Variants in NEK3 observed in about 807,000 individuals in gnomAD.
NEK3 encodes serine/threonine-protein kinase Nek3.
In NEK3, 54 loss-of-function variants were observed where a neutral mutation model predicts 66.0. The ratio of observed to expected loss-of-function variants is 0.82; its 90% CI spans 0.66 to 1.03. NEK3 has a LOEUF of 1.03. Ranked by LOEUF, NEK3 falls within the 50% of genes least tolerant of loss-of-function variation. The probability of loss-of-function intolerance (pLI) is 0.00; values close to 1 mark genes in which losing one functional copy is unlikely to be tolerated. For missense variants in NEK3, 593 were observed against 603.0 expected, an observed-to-expected ratio of 0.98 and a Z score of 0.17; for synonymous variants, 200 against 206.2, an observed-to-expected ratio of 0.97 and a Z score of 0.26.
intron 8 of NEK3, among the ~76,000 whole-genome samples, 188 bp from the exon 9 acceptor site, chr13:52,145,079 A>G (rs3818422): frequency 0.57 from 86,343 of 151,942 alleles, 26,525 homozygotes; most frequent in Middle Eastern, 0.7. Context: ...AACATGAATG[A>G]TAAAAAGCTT....
At chr13:52,152,740 C>T in intron 4 of NEK3, 48 bp from the exon 5 acceptor site, 2 of 1,203,144 alleles carry the variant, frequency 1.7e-6, no homozygotes, top group Non-Finnish European at 2.5e-6. Context: ...GTAACTGGCT[C>T]ATGTTAACCT....
At chr13:52,154,777 G>A (rs550411942) in intron 2 of NEK3, among the ~76,000 whole-genome samples, 28 of 149,302 alleles carry the variant, frequency 1.9e-4, no homozygotes, top group Admixed American at 5.3e-4. Context: ...TTGTTAGTTG[G>A]GTGTGGTGGC....
chr13:52,156,182 A>G lies in NEK3; in HGVS notation c.10T>C (p.Tyr4His), dbSNP rs762735669. The G allele has an allele frequency of 3.8e-6, 6 of 1,593,956 alleles. No individual in the cohort carries two copies. The highest frequency in any genetic ancestry group is 5.1e-6 in the Non-Finnish European group (6 of 1,169,078). ...TCCCCAATCATTCTCAGGACCATGT[A>G]GTCATCCATGCTGGGGCATCCACAC... The part of the protein sequence containing the change: MDD[Y>H]MVLRMIGEGS... Residue 4 changes from tyrosine to histidine, a missense_variant, in exon 2 of 16, where the codon TAC becomes CAC. Physicochemically the swap from Tyr to His is moderately conservative, Grantham distance 83 (BLOSUM62 2). Transcript: ENST00000610828.
intron 1 of NEK3, among the ~76,000 whole-genome samples, chr13:52,158,173 G>A (rs1956410954): frequency 6.6e-6 from 1 of 152,190 alleles, no homozygotes; most frequent in Non-Finnish European, 1.5e-5. Flanking sequence ...CACCCCGTCC[G>A]GCCCTAGTGT....
intron 9 of NEK3, 45 bp from the exon 10 acceptor site, chr13:52,144,032 T>A: frequency 9.5e-7 from 1 of 1,049,078 alleles, no homozygotes; most frequent in Non-Finnish European, 1.4e-6. Context: ...AACATACTTT[T>A]CTATAGATAC....
At chr13:52,136,723 ATC>A (rs1358756456) in intron 12 of NEK3, 75 bp downstream of exon 12, 1 of 801,138 alleles carries the variant, frequency 1.2e-6, no homozygotes, top group Non-Finnish European at 2.0e-6. Context: ...TGTTTATGAT[ATC>A]TGAGACCTAG....
chr13:52,148,477 C>T lies in NEK3; in HGVS notation c.549-8G>A, dbSNP rs775116270. 3 of 1,612,690 alleles carry T rather than the reference C, an allele frequency of 1.9e-6. No homozygotes were observed. The highest frequency in any genetic ancestry group is 1.7e-6 in the Non-Finnish European group (2 of 1,179,090). ...CCCAAGGACCAGATGTCACTGAAAG[C>T]ATAAAGAAGCAATGTAATCACAAGC... On this transcript the variant is annotated splice_region_variant and splice_polypyrimidine_tract_variant and intron_variant, in intron 7 of 15. Coordinates refer to ENST00000610828, the MANE Select transcript of NEK3 (RefSeq NM_002498.3).
chr13:52,139,865 C>T (rs1310405129), intron 11 of NEK3, among the ~76,000 whole-genome samples: 2 of 152,002 alleles, frequency 1.3e-5, no homozygotes, highest in African/African-American at 2.4e-5. Context: ...CGCCACTGCA[C>T]TCCAGCCTGG....
chr13:52,144,926 A>T, intron 8 of NEK3, 35 bp from the exon 9 acceptor site: 1 of 1,424,170 alleles, frequency 7.0e-7, no homozygotes, highest in Admixed American at 2.0e-5. Flanking sequence ...AAGCAGATAC[A>T]GGGGAAGAAA....
At chr13:52,147,759 G>A (rs1348801626) in intron 8 of NEK3, among the ~76,000 whole-genome samples, 1 of 152,052 alleles carries the variant, frequency 6.6e-6, no homozygotes, top group Non-Finnish European at 1.5e-5. Context: ...ATCACCTGAG[G>A]TCAGGAGTTC....
At chr13:52,137,799 C>T (rs1259858604) in intron 11 of NEK3, among the ~76,000 whole-genome samples, 1 of 152,230 alleles carries the variant, frequency 6.6e-6, no homozygotes, top group Admixed American at 6.5e-5. Flanking sequence ...CTATTCAACT[C>T]TGCCTTCATT....
At chr13:52,138,266 C>CCTGCCT (rs1956220889) in intron 11 of NEK3, among the ~76,000 whole-genome samples, 1 of 152,204 alleles carries the variant, frequency 6.6e-6, no homozygotes, top group African/African-American at 2.4e-5. Context: ...AATCAATGCT[C>CCTGCCT]CTGCCTCTGC....
At chr13:52,158,740 T>C (rs1449742861) in intron 1 of NEK3, among the ~76,000 whole-genome samples, 1 of 152,228 alleles carries the variant, frequency 6.6e-6, no homozygotes, top group East Asian at 1.9e-4. Flanking sequence ...ATAAAGTGAT[T>C]TGCAAATACC....
chr13:52,133,939 T>A, intron 14 of NEK3, 124 bp from the exon 15 acceptor site: 1 of 960,016 alleles, frequency 1.0e-6, no homozygotes, highest in Non-Finnish European at 1.5e-6. Flanking sequence ...AACTCTTTTG[T>A]AGTGTCTCCC....
intron 14 of NEK3, among the ~76,000 whole-genome samples, chr13:52,134,144 C>T (rs952690951): frequency 6.6e-6 from 1 of 152,120 alleles, no homozygotes; most frequent in African/African-American, 2.4e-5. Flanking sequence ...GCTCCTCCTA[C>T]CTCAGTCTCC....
In NEK3 at chr13:52,133,831, A is replaced by G; in HGVS notation, c.1310-16T>C. 6.3e-7 allele frequency: 1 copy of G among 1,587,796 alleles called. No individual in the cohort carries two copies. Among genetic ancestry groups the G allele is most frequent in the Non-Finnish European group, 8.6e-7 (1 of 1,166,028 alleles). ...CCTTCTGAACCTTCAGGAGATATTA[A>G]CAGAAAATATACCAATTTAAACAGT... On this transcript the variant is annotated splice_polypyrimidine_tract_variant and intron_variant, in intron 14 of 15. Coordinates refer to ENST00000610828, the MANE Select transcript of NEK3 (RefSeq NM_002498.3).
chr13:52,145,731 C>T (rs1165209087), intron 8 of NEK3, among the ~76,000 whole-genome samples: 2 of 152,146 alleles, frequency 1.3e-5, no homozygotes, highest in African/African-American at 2.4e-5. Flanking sequence ...ACTGGAGTAA[C>T]ATTTTTAAAG....
At chr13:52,152,345 GAT>G (rs1431029136) in intron 5 of NEK3, among the ~76,000 whole-genome samples, 8 of 152,176 alleles carry the variant, frequency 5.3e-5, no homozygotes, top group Admixed American at 4.6e-4. Context: ...TGAGGCAACA[GAT>G]ATGTTAATTA....
chr13:52,157,390 T>A (rs1286320681), intron 1 of NEK3: 1 of 152,080 alleles, frequency 6.6e-6, no homozygotes, highest in Non-Finnish European at 1.5e-5. Context: ...GGCAGATTTA[T>A]GGGGGGCAAG....
Sources: gnomAD v4.1 joint callset for allele counts (sites outside exome capture counted in the v4.1 genomes callset) on GRCh38, gnomAD v4.1.1 for gene constraint, MANE v1.5 for transcripts, NCBI Gene and HGNC (gene_info 2026-07-23, HGNC 2026-07-21) for gene names.